Variants in ANKRD30B observed in about 807,000 individuals in gnomAD.
The protein encoded by ANKRD30B is ankyrin repeat domain-containing protein 30B.
In ANKRD30B, 144 loss-of-function variants were observed where a neutral mutation model predicts 202.2. That is an observed-to-expected ratio of 0.71 (90% CI 0.62 to 0.82). The LOEUF is 0.82. ANKRD30B is among the 40% of genes least tolerant of loss of function. The pLI, the probability that ANKRD30B is intolerant of heterozygous loss-of-function variation, is 0.00. For missense variants in ANKRD30B, 1,487 were observed against 1,669.1 expected (o/e 0.89, Z 1.90); for synonymous variants, 508 against 561.3 (o/e 0.91, Z 1.34).
intron 16 of ANKRD30B, among the ~76,000 whole-genome samples, chr18:14,792,200 G>A (rs925846727): frequency 6.6e-6 from 1 of 152,196 alleles, no homozygotes; most frequent in Admixed American, 6.5e-5. Flanking sequence ...TTAGTAAGTT[G>A]TCAGGTGATG....
chr18:14,808,764 T>G lies in ANKRD30B; in HGVS notation c.2386+20T>G, dbSNP rs1568034731. ...AAGCAGGTAAATTTTGTAATTTAAA[T>G]TTTAATCTGGAATTAAGAATATTAA... On this transcript the variant is annotated intron_variant, in intron 26 of 43. Coordinates refer to ENST00000690538, the MANE Select transcript of ANKRD30B (RefSeq NM_001367607.2). 1 of 1,419,268 alleles carries G rather than the reference T, an allele frequency of 7.0e-7. No individual in the cohort carries two copies. Among genetic ancestry groups the G allele is most frequent in the Non-Finnish European group, 9.5e-7 (1 of 1,047,694 alleles). 87.9% of individuals were successfully genotyped at this position (1,419,268 alleles called of 1,614,324 possible).
At chr18:14,809,364 C>T (rs1250598222) in intron 26 of ANKRD30B, among the ~76,000 whole-genome samples, 1 of 150,896 alleles carries the variant, frequency 6.6e-6, no homozygotes, top group Non-Finnish European at 1.5e-5. Context: ...TCAGCAGTAA[C>T]AGTTGCAGCA....
chr18:14,923,088 C>T, the ANKRD30B span, among the ~76,000 whole-genome samples: 1 of 152,152 alleles, frequency 6.6e-6, no homozygotes. Flanking sequence ...AGTCCACAGG[C>T]CCTGAAGAAC....
At chr18:14,757,995 G>C in intron 5 of ANKRD30B, 43 bp downstream of exon 5, 1 of 1,528,096 alleles carries the variant, frequency 6.5e-7, no homozygotes, top group African/African-American at 1.4e-5. Context: ...TTTATTGTTT[G>C]TTTCAGGGAG....
rs771890244 is a variant in ANKRD30B, at chr18:14,808,493, C to T, written c.2285-58C>T. 10 of 1,329,408 alleles carry T rather than the reference C, an allele frequency of 7.5e-6. 1 individual carries two copies. Among genetic ancestry groups the T allele is most frequent in the Middle Eastern group, 4.5e-4 (2 of 4,484 alleles). The allele number at this position is 1,329,408 out of a possible 1,614,324, so 82.4% of individuals were successfully genotyped here. A position where few individuals can be genotyped will look rare whatever the true frequency, so the allele number is the denominator to read the frequency against. On this transcript the variant is annotated intron_variant, in intron 24 of 43. Coordinates refer to ENST00000690538, the MANE Select transcript of ANKRD30B (RefSeq NM_001367607.2). ...TCTTCATATTCACATTGTACGAATGCTTGGTAGGCTTTGTCAGGCTTGCAT... is the reference window on the plus strand; with the variant it reads ...TCTTCATATTCACATTGTACGAATGTTTGGTAGGCTTTGTCAGGCTTGCAT...
chr18:14,765,667 C>T (rs1916008294), intron 7 of ANKRD30B, among the ~76,000 whole-genome samples: 1 of 151,956 alleles, frequency 6.6e-6, no homozygotes, highest in Admixed American at 6.6e-5. Flanking sequence ...GCTGGCCCTT[C>T]ACATAGAAGA....
intron 4 of ANKRD30B, 22 bp downstream of exon 4, chr18:14,755,027 A>T (rs1029227044): frequency 2.4e-6 from 3 of 1,257,332 alleles, no homozygotes; most frequent in Admixed American, 3.2e-5. Flanking sequence ...CTTTTTTTTT[A>T]CTAAAAAACA....
At chr18:14,799,402 G>A in intron 22 of ANKRD30B, 107 bp downstream of exon 22, 5 of 1,119,936 alleles carry the variant, frequency 4.5e-6, no homozygotes, top group East Asian at 2.7e-5. Context: ...AAATTGGATG[G>A]GAAAATTTGA....
intron 1 of ANKRD30B, among the ~76,000 whole-genome samples, chr18:14,751,222 T>C (rs1913394857): frequency 6.6e-6 from 1 of 152,010 alleles, no homozygotes; most frequent in Non-Finnish European, 1.5e-5. Flanking sequence ...TTAGTGTAGT[T>C]TTATTATTAG....
In ANKRD30B at chr18:14,819,953, C is replaced by T. The variant is rs28785500; in HGVS notation, c.2642-2530C>T. 7.8e-3 allele frequency among the ~76,000 whole-genome samples: 1,192 copies of T among 152,042 alleles called. 13 individuals carry two copies. Among genetic ancestry groups the T allele is most frequent in the African/African-American group, 0.028 (1,151 of 41,396 alleles). On this transcript the variant is annotated intron_variant, in intron 30 of 43. Coordinates refer to ENST00000690538, the MANE Select transcript of ANKRD30B (RefSeq NM_001367607.2). ...CATTGAATCTGTAAATAACCTTGGG[C>T]AGTATGGCCATTTTCACGATATTGA...
the ANKRD30B span, among the ~76,000 whole-genome samples, chr18:14,895,121 GACA>G: frequency 0.44 from 64,500 of 147,776 alleles, 15,004 homozygotes; most frequent in East Asian, 0.6. Flanking sequence ...GGCAACAACT[GACA>G]CTGGGGACTA....
At chr18:14,899,227 C>T in the ANKRD30B span, among the ~76,000 whole-genome samples, 2 of 151,828 alleles carry the variant, frequency 1.3e-5, no homozygotes, top group African/African-American at 2.4e-5. Context: ...TCAACTGTTC[C>T]CCTTCAACAA....
intron 34 of ANKRD30B, among the ~76,000 whole-genome samples, chr18:14,836,501 C>A (rs1216756907): frequency 2.6e-5 from 4 of 152,070 alleles, no homozygotes; most frequent in Non-Finnish European, 5.9e-5. Context: ...ATAATTAACT[C>A]TCTACCTATA....
rs2143965542 is a variant in ANKRD30B, at chr18:14,796,361, GT to G, written c.1876del (p.Ser626LeufsTer7). 1 of 1,578,812 alleles carries G rather than the reference GT, an allele frequency of 6.3e-7. No homozygotes were observed. The highest frequency in any genetic ancestry group is 1.4e-5 in the African/African-American group (1 of 73,822). ...GLLKPTCGRK[V>X]SLPNKALELK... The stretch of plus-strand genomic sequence containing the variant: ...CATTTAGCCTACCTGTGGAAGGAAA[GT>G]TTCTCTTCCAAATAAAGCCTTAGAA... On this transcript the variant is annotated frameshift_variant, in exon 18 of 44. Coordinates refer to ENST00000690538, the MANE Select transcript of ANKRD30B (RefSeq NM_001367607.2). LOFTEE classifies it high-confidence loss of function.
the ANKRD30B span, among the ~76,000 whole-genome samples, chr18:14,876,710 A>G: frequency 2.0e-5 from 3 of 152,228 alleles, no homozygotes; most frequent in African/African-American, 7.2e-5. Context: ...TGCTGGGCAC[A>G]GGTATATTTT....
chr18:14,807,261 G>C (rs1249161129), intron 24 of ANKRD30B, among the ~76,000 whole-genome samples: 1 of 150,950 alleles, frequency 6.6e-6, no homozygotes, highest in Non-Finnish European at 1.5e-5. Flanking sequence ...ATTATTTGAG[G>C]AAATGAGATA....
At chr18:14,909,078 G>C in the ANKRD30B span, among the ~76,000 whole-genome samples, 3 of 152,186 alleles carry the variant, frequency 2.0e-5, no homozygotes, top group Non-Finnish European at 2.9e-5. Context: ...GACTGACAAA[G>C]TCTGCACCTG....
chr18:14,907,801 A>G, the ANKRD30B span, among the ~76,000 whole-genome samples: 1 of 152,006 alleles, frequency 6.6e-6, no homozygotes, highest in Non-Finnish European at 1.5e-5. Flanking sequence ...CAGTTACTGA[A>G]CCCCTTTCTT....
At chr18:14,914,880 G>GT in the ANKRD30B span, among the ~76,000 whole-genome samples, 1 of 152,140 alleles carries the variant, frequency 6.6e-6, no homozygotes, top group East Asian at 1.9e-4. Context: ...CAGAAGAGAG[G>GT]TCTGGACGAG....
Sources: gnomAD v4.1 joint callset for allele counts (sites outside exome capture counted in the v4.1 genomes callset) on GRCh38, gnomAD v4.1.1 for gene constraint, MANE v1.5 for transcripts, NCBI Gene and HGNC (gene_info 2026-07-23, HGNC 2026-07-21) for gene names.